Variants in TYRP1 observed in about 807,000 individuals in gnomAD.
The protein encoded by TYRP1 is 5,6-dihydroxyindole-2-carboxylic acid oxidase.
TYRP1 carries 49 observed loss-of-function variants against 42.8 expected under a neutral mutation model. That is an observed-to-expected ratio of 1.14 (90% confidence interval 0.91 to 1.45). The LOEUF (loss-of-function observed/expected upper bound fraction) is 1.45, where lower values mean the gene tolerates loss of function less well. Among genes scored for constraint, TYRP1 ranks in the 40% most tolerant of loss-of-function variants. The pLI is 0.00. For missense variants in TYRP1, 848 were observed against 662.0 expected (o/e 1.28, Z -3.08); for synonymous variants, 279 against 235.4 (o/e 1.19, Z -1.69).
Position 12,710,123 on chromosome 9 carries a change from T to C in TYRP1, c.*941T>C, listed in dbSNP as rs1401536569. ...GTCTTCTTTTTTATCTGGTTCTATA[T>C]GAATGCTATTTTTTCCCTTCTCTTC... is the stretch of plus-strand genomic sequence containing the variant. On this transcript the variant is annotated 3_prime_UTR_variant, in exon 8 of 8. Transcript: ENST00000388918. 6.6e-6 allele frequency: 1 copy of C among 151,822 alleles called. No individual in the cohort carries two copies. The highest frequency in any genetic ancestry group is 2.4e-5 in the African/African-American group (1 of 41,430). The allele number at this position is 151,822 out of a possible 1,614,324, so 9.4% of individuals were successfully genotyped here.
rs1273032094 is a variant in TYRP1 at position 12,694,129 on chromosome 9, C to T, written c.133C>T (p.Leu45=). ...GAGAAGTGGTATGTGTTGCCCAGAC[C>T]TGTCCCCTGTGTCTGGGCCTGGGAC... ...ALRSGMCCPD[L]SPVSGPGTDR... The change falls in exon 2 of 8, where the codon CTG becomes TTG. Residue 45 remains leucine (L), a synonymous_variant. Coordinates refer to ENST00000388918, the MANE Select transcript of TYRP1 (RefSeq NM_000550.3). The T allele has an allele frequency of 1.9e-6, 3 of 1,613,996 alleles. No individual in the cohort carries two copies. The highest frequency in any genetic ancestry group is 8.5e-7 in the Non-Finnish European group (1 of 1,180,032).
rs530760781 is a variant in TYRP1 at position 12,699,062 on chromosome 9, A to G, written c.913+407A>G. 1.4e-4 allele frequency among the ~76,000 whole-genome samples: 22 copies of G among 152,252 alleles called. 1 individual carries two copies. In the South Asian group the frequency reaches 4.6e-3, roughly 32 times the overall value. On this transcript the variant is annotated intron_variant, in intron 4 of 7. Transcript: ENST00000388918. ...GCAAAAAGTTGGAAATGCCCTGGGA[A>G]GAAAAAAAAGAAAAGAAGCAAACCA... is the stretch of plus-strand genomic sequence containing the variant.
chr9:12,700,339 TG>T (rs1438482991), intron 4 of TYRP1: 2 of 152,092 alleles, frequency 1.3e-5, no homozygotes, highest in African/African-American at 2.4e-5. Flanking sequence ...TTCACATGCT[TG>T]TTGCATAGTA....
chr9:12,703,883 A>ATATGTGTG lies in TYRP1; in HGVS notation c.1082-642_1082-641insATGTGTGT, dbSNP rs141978563. Among the ~76,000 whole-genome samples, 604 of 143,520 alleles carry ATATGTGTG rather than the reference A, an allele frequency of 4.2e-3. 1 individual carries two copies. The highest frequency in any genetic ancestry group is 5.7e-3 in the Non-Finnish European group (376 of 65,546). 94.2% of individuals were successfully genotyped at this position (143,520 alleles called of 152,430 possible). Reference sequence around the variant, plus strand: ...CCTTATATATGGAATATATATATATATGTGTGTGTGTGTGTGTGTGTGTGT... The same window carrying ATATGTGTG: ...CCTTATATATGGAATATATATATATATATGTGTGTGTGTGTGTGTGTGTGTGTGTGTGT... On this transcript the variant is annotated intron_variant, in intron 5 of 7. Transcript: ENST00000388918.
At chr9:12,696,215 G>A (rs956189971) in intron 3 of TYRP1, among the ~76,000 whole-genome samples, 1 of 152,160 alleles carries the variant, frequency 6.6e-6, no homozygotes, top group African/African-American at 2.4e-5. Flanking sequence ...GTCAAGTGAT[G>A]TGGGTTAGAG....
Position 12,702,334 on chromosome 9 carries a change from G to T in TYRP1, c.977G>T (p.Arg326Leu), listed in dbSNP as rs16929374. The part of the protein sequence containing the change: ...AGNVARPMVQ[R>L]LPEPQDVAQC... ...AATGTGGCCAGACCAATGGTGCAACGTCTTCCTGAACCACAGGATGTCGCT... is the reference window on the plus strand; with the variant it reads ...AATGTGGCCAGACCAATGGTGCAACTTCTTCCTGAACCACAGGATGTCGCT... Residue 326 changes from arginine to leucine, a missense_variant, in exon 5 of 8, where the codon CGT (arginine) becomes CTT (leucine). Arg to Leu is a moderately radical substitution (Grantham distance 102). Coordinates refer to ENST00000388918, the MANE Select transcript of TYRP1 (RefSeq NM_000550.3). 1.2e-6 allele frequency: 2 copies of T among 1,613,150 alleles called. No homozygotes were observed. Among genetic ancestry groups the T allele is most frequent in the Middle Eastern group, 1.7e-4 (1 of 6,050 alleles).
intron 4 of TYRP1, 44 bp downstream of exon 4, chr9:12,698,699 TAA>T (rs1563853485): frequency 6.4e-7 from 1 of 1,561,248 alleles, no homozygotes; most frequent in Admixed American, 1.7e-5. Context: ...TCTTTTTAGA[TAA>T]AGAGATTAAA....
At chr9:12,703,331 A>G (rs1818203855) in intron 5 of TYRP1, among the ~76,000 whole-genome samples, 1 of 151,862 alleles carries the variant, frequency 6.6e-6, no homozygotes, top group South Asian at 2.1e-4. Context: ...TAATTCTCTC[A>G]CCTTTTAGTC....
Position 12,695,565 on chromosome 9 carries a change from C to T in TYRP1, c.436C>T (p.Arg146Trp), listed in dbSNP as rs201293896. Residue 146 changes from arginine to tryptophan, a missense_variant, in exon 3 of 8, where the codon CGG becomes TGG. By Grantham distance (101) the Arg-to-Trp change is moderately radical (BLOSUM62 -3). Coordinates refer to ENST00000388918, the MANE Select transcript of TYRP1 (RefSeq NM_000550.3). ...TAAAGAAGAAAAGAACCACTTTGTC[C>T]GGGCCCTGGATATGGCAAAGCGCAC... Reference protein sequence around the residue: ...LSKEEKNHFVRALDMAKRTTH... With the variant: ...LSKEEKNHFVWALDMAKRTTH... 2.1e-4 allele frequency: 331 copies of T among 1,614,026 alleles called. No individual in the cohort carries two copies. The highest frequency in any genetic ancestry group is 2.6e-4 in the Non-Finnish European group (312 of 1,180,004).
intron 5 of TYRP1, 109 bp from the exon 6 acceptor site, chr9:12,704,417 G>T: frequency 8.5e-7 from 1 of 1,178,028 alleles, no homozygotes. Flanking sequence ...GGCAAAAATT[G>T]GCCTGACGAG....
At chr9:12,702,619 A>T (rs1488159907) in intron 5 of TYRP1, among the ~76,000 whole-genome samples, 181 bp downstream of exon 5, 1 of 152,050 alleles carries the variant, frequency 6.6e-6, no homozygotes, top group East Asian at 1.9e-4. Context: ...AGAAGAGTCA[A>T]CCATGAAGCT....
intron 4 of TYRP1, among the ~76,000 whole-genome samples, chr9:12,701,155 A>G (rs925808719): frequency 6.6e-6 from 1 of 151,778 alleles, no homozygotes; most frequent in African/African-American, 2.4e-5. Context: ...CACCCATCTA[A>G]GGTTTTGACT....
intron 3 of TYRP1, among the ~76,000 whole-genome samples, chr9:12,697,429 G>A (rs1818095246): frequency 6.6e-6 from 1 of 152,098 alleles, no homozygotes; most frequent in Admixed American, 6.6e-5. Context: ...GAACCACAAT[G>A]ATGGCTTCTA....
At chr9:12,703,737 T>A (rs1349326417) in intron 5 of TYRP1, among the ~76,000 whole-genome samples, 1 of 151,940 alleles carries the variant, frequency 6.6e-6, no homozygotes, top group Admixed American at 6.6e-5. Flanking sequence ...CTGATTTCAT[T>A]TTATAATGCA....
chr9:12,708,197 A>ATCTT, intron 7 of TYRP1, 54 bp downstream of exon 7: 2 of 1,594,448 alleles, frequency 1.3e-6, no homozygotes, highest in Non-Finnish European at 1.7e-6. Context: ...CAAATGTGTT[A>ATCTT]TCTTTCAAGT....
At chr9:12,695,897 T>G in intron 3 of TYRP1, 60 bp downstream of exon 3, 1 of 1,543,130 alleles carries the variant, frequency 6.5e-7, no homozygotes, top group Non-Finnish European at 8.9e-7. Flanking sequence ...TGTTTGTAAG[T>G]GATTTTAATT....
chr9:12,696,699 A>T (rs1255833109), intron 3 of TYRP1, among the ~76,000 whole-genome samples: 1 of 152,070 alleles, frequency 6.6e-6, no homozygotes, highest in African/African-American at 2.4e-5. Flanking sequence ...TAGATTCTTT[A>T]CTCTTATTTC....
At chr9:12,703,062 G>C (rs1169066851) in intron 5 of TYRP1, among the ~76,000 whole-genome samples, 1 of 151,802 alleles carries the variant, frequency 6.6e-6, no homozygotes, top group African/African-American at 2.4e-5. Context: ...ACAGAGCGTA[G>C]GTTCAAATTC....
In TYRP1 at chr9:12,709,038, T is replaced by C. The variant is rs1225462863; in HGVS notation, c.1470T>C (p.Val490=). The change falls in exon 8 of 8, where the codon GTT becomes GTC. Residue 490 remains valine, a synonymous_variant. Transcript: ENST00000388918. ...CAGTAGTTGGCGCTTTGTTACTGGT[T>C]GCACTCATTTTTGGGACTGCTTCTT... The part of the protein sequence containing the change: ...AIAVVGALLL[V]ALIFGTASYL... The C allele has an allele frequency of 6.2e-7, 1 of 1,612,748 alleles. No homozygotes were observed. The highest frequency in any genetic ancestry group is 8.5e-7 in the Non-Finnish European group (1 of 1,179,300).
Sources: gnomAD v4.1 joint callset for allele counts (sites outside exome capture counted in the v4.1 genomes callset) on GRCh38, gnomAD v4.1.1 for gene constraint, MANE v1.5 for transcripts, NCBI Gene and HGNC (gene_info 2026-07-23, HGNC 2026-07-21) for gene names.